Variants in GRIA1 observed in about 807,000 individuals in gnomAD.
GRIA1 encodes the protein glutamate receptor 1.
Under a neutral mutation model 99.2 loss-of-function variants are expected in GRIA1, and 31 were observed. The ratio of observed to expected loss-of-function variants is 0.31; its 90% CI spans 0.23 to 0.42. The LOEUF (loss-of-function observed/expected upper bound fraction) is 0.42, where lower values mean the gene tolerates loss of function less well. Among genes scored for constraint, GRIA1 ranks in the 10% least tolerant of loss-of-function variants. GRIA1 has a pLI of 1.00. For missense variants in GRIA1, 782 were observed against 1,157.5 expected, an observed-to-expected ratio of 0.68 and a Z score of 4.71; for synonymous variants, 438 against 432.4, an observed-to-expected ratio of 1.01 and a Z score of -0.16.
At chr5:153,558,771 G>A (rs1404263141) in intron 2 of GRIA1, among the ~76,000 whole-genome samples, 1 of 152,126 alleles carries the variant, frequency 6.6e-6, no homozygotes, top group Non-Finnish European at 1.5e-5. Context: ...TGGGCTTATG[G>A]AGAATTGAGA....
chr5:153,680,441 T>G (rs1445680743), intron 7 of GRIA1, among the ~76,000 whole-genome samples: 1 of 151,818 alleles, frequency 6.6e-6, no homozygotes, highest in Non-Finnish European at 1.5e-5. Context: ...ATAGGGGAGG[T>G]AATAGGCATT....
At chr5:153,521,845 G>A (rs540121273) in intron 2 of GRIA1, among the ~76,000 whole-genome samples, 1 of 152,318 alleles carries the variant, frequency 6.6e-6, no homozygotes, top group Admixed American at 6.5e-5. Context: ...TCTGATTTAT[G>A]TGTGAGTTGA....
At chr5:153,640,739 G>A (rs1014478388) in intron 2 of GRIA1, among the ~76,000 whole-genome samples, 5 of 152,084 alleles carry the variant, frequency 3.3e-5, no homozygotes, top group African/African-American at 4.8e-5. Context: ...CTCTGTGAAG[G>A]TAGAAAACAT....
chr5:153,515,991 T>A (rs555045588), intron 2 of GRIA1, among the ~76,000 whole-genome samples: 1 of 152,138 alleles, frequency 6.6e-6, no homozygotes, highest in Non-Finnish European at 1.5e-5. Context: ...GAGGCCAAGG[T>A]GGGCGGATCA....
chr5:153,661,154 C>T (rs1455137572), intron 5 of GRIA1, among the ~76,000 whole-genome samples: 1 of 152,178 alleles, frequency 6.6e-6, no homozygotes, highest in Non-Finnish European at 1.5e-5. Context: ...TTCTGCAAAG[C>T]TGAGCTCATC....
At chr5:153,598,815 C>T (rs1262628403) in intron 2 of GRIA1, among the ~76,000 whole-genome samples, 1 of 152,134 alleles carries the variant, frequency 6.6e-6, no homozygotes, top group Non-Finnish European at 1.5e-5. Flanking sequence ...TTTTTTCTCA[C>T]TAACATTCAA....
rs567099967 is a variant in GRIA1, at chr5:153,651,858, T to C, written c.645+1344T>C. Among the ~76,000 whole-genome samples, 5 of 152,226 alleles carry C rather than the reference T, an allele frequency of 3.3e-5. No homozygotes were observed. In the East Asian group the frequency reaches 5.8e-4, roughly 18 times the overall value. ...TTTCAATTCAGGCAGGATAAGATAA[T>C]AGTTAAGAGCAGAGATAAAACCAGA... On this transcript the variant is annotated intron_variant, in intron 4 of 15. Coordinates refer to ENST00000285900, the MANE Select transcript of GRIA1 (RefSeq NM_000827.4).
At chr5:153,806,959 C>A (rs983861292) in intron 15 of GRIA1, among the ~76,000 whole-genome samples, 1 of 152,194 alleles carries the variant, frequency 6.6e-6, no homozygotes, top group Non-Finnish European at 1.5e-5. Context: ...ACTAGCCAAG[C>A]CACTTTTCCT....
intron 2 of GRIA1, among the ~76,000 whole-genome samples, chr5:153,564,858 T>C (rs1695756791): frequency 6.6e-6 from 1 of 152,226 alleles, no homozygotes; most frequent in South Asian, 2.1e-4. Flanking sequence ...CTGTGTATTT[T>C]GTATGGGAAT....
rs1357312056 is a variant in GRIA1, at chr5:153,656,080, CT to C, written c.699+210del. On this transcript the variant is annotated intron_variant, in intron 5 of 15. Transcript: ENST00000285900. ...CACTATTCATGAACCTCTAACCTTC[CT>C]TGGAAGAGAGCATACTGGTGGGCAC... Among the ~76,000 whole-genome samples the C allele has an allele frequency of 4.6e-5, 7 of 152,226 alleles. No homozygotes were observed. The South Asian group carries it at 1.0e-3, about 23-fold the overall frequency.
At chr5:153,728,948 A>G (rs377294573) in intron 11 of GRIA1, among the ~76,000 whole-genome samples, 2 of 130,092 alleles carry the variant, frequency 1.5e-5, no homozygotes, top group African/African-American at 6.0e-5. Context: ...TGTTTATTGC[A>G]GCACTATTCA....
chr5:153,653,801 A>G (rs1186252809), intron 4 of GRIA1, among the ~76,000 whole-genome samples: 1 of 152,184 alleles, frequency 6.6e-6, no homozygotes, highest in Non-Finnish European at 1.5e-5. Flanking sequence ...CATATAATTT[A>G]TGTTAAATAA....
chr5:153,500,610 TACACACACACAC>T lies in GRIA1; in HGVS notation c.220+6579_220+6590del, dbSNP rs35636352. On this transcript the variant is annotated intron_variant, in intron 2 of 15. Coordinates refer to ENST00000285900, the MANE Select transcript of GRIA1 (RefSeq NM_000827.4). The stretch of plus-strand genomic sequence containing the variant: ...TCTCTCTCTCTCTCCCCCTCTTACA[TACACACACACAC>T]ACACACACACACACACACACACACA... Among the ~76,000 whole-genome samples the T allele has an allele frequency of 2.0e-3, 239 of 120,162 alleles. 1 individual carries two copies. The highest frequency in any genetic ancestry group is 0.015 in the Middle Eastern group (3 of 198). The allele number at this position is 120,162 out of a possible 152,430, so 78.8% of individuals were successfully genotyped here. A position where few individuals can be genotyped will look rare whatever the true frequency, so the allele number is the denominator to read the frequency against.
chr5:153,646,132 T>C (rs968892544), intron 2 of GRIA1, among the ~76,000 whole-genome samples: 9 of 152,202 alleles, frequency 5.9e-5, no homozygotes, highest in African/African-American at 1.2e-4. Context: ...CAAACCAGGA[T>C]TGGCAACTGC....
At chr5:153,559,573 T>C (rs1760941903) in intron 2 of GRIA1, among the ~76,000 whole-genome samples, 1 of 152,182 alleles carries the variant, frequency 6.6e-6, no homozygotes, top group African/African-American at 2.4e-5. Context: ...TTATCAAGTA[T>C]CATGCACTGT....
chr5:153,643,149 G>C (rs768144228), intron 2 of GRIA1, among the ~76,000 whole-genome samples: 7 of 152,072 alleles, frequency 4.6e-5, no homozygotes, highest in Non-Finnish European at 7.4e-5. Flanking sequence ...GTGCACTGGG[G>C]GTTGCTAGAA....
chr5:153,717,004 G>A (rs1759709837), intron 11 of GRIA1, among the ~76,000 whole-genome samples: 1 of 152,190 alleles, frequency 6.6e-6, no homozygotes, highest in Non-Finnish European at 1.5e-5. Flanking sequence ...TCATGCCAAA[G>A]GAACAGGAAG....
chr5:153,719,972 G>A (rs1759940797), intron 11 of GRIA1, among the ~76,000 whole-genome samples: 1 of 152,216 alleles, frequency 6.6e-6, no homozygotes, highest in Non-Finnish European at 1.5e-5. Context: ...GGCATTTATA[G>A]TCAGTGATTA....
chr5:153,701,619 C>CAAAAAAAAAACAAAAAAAAAAAAAAA (rs1758526706), intron 10 of GRIA1, among the ~76,000 whole-genome samples: 1 of 39,426 alleles, frequency 2.5e-5, no homozygotes, highest in African/African-American at 9.2e-5. Context: ...AGACCCGTCT[C>CAAAAAAAAAACAAAAAAAAAAAAAAA]AAAAAAAAAA....
Sources: allele counts gnomAD v4.1 joint callset (sites outside exome capture counted in the v4.1 genomes callset), GRCh38; gene constraint gnomAD v4.1.1; transcripts MANE v1.5; gene names NCBI Gene and HGNC (gene_info 2026-07-23, HGNC 2026-07-21).